The following DOCK8 variants were observed in gnomAD, a reference collection of about 807,000 sequenced individuals.
DOCK8 encodes the protein dedicator of cytokinesis 8, also known as dedicator of cytokinesis protein 8.
A neutral mutation model predicts 245.6 loss-of-function variants in DOCK8; 141 were observed. That is an observed-to-expected ratio of 0.57 (90% CI 0.50 to 0.66). DOCK8 has a LOEUF of 0.66. Ranked by LOEUF, DOCK8 falls within the 30% of genes least tolerant of loss-of-function variation. DOCK8 has a pLI of 0.00. For synonymous variants in DOCK8, 1,168 were observed against 970.2 expected (o/e 1.20, Z -3.79); for missense variants, 2,965 against 2,603.4 (o/e 1.14, Z -3.02).
intron 2 of DOCK8, chr9:273,054 G>T: frequency 1.0e-6 from 1 of 985,338 alleles, no homozygotes; most frequent in African/African-American, 1.7e-5. Flanking sequence ...CCGCCATTTT[G>T]TCTCCTGTAA....
Position 464,246 on chromosome 9 carries a change from T to C in DOCK8, c.*27T>C, listed in dbSNP as rs755316709. On this transcript the variant is annotated 3_prime_UTR_variant, in exon 48 of 48. Coordinates refer to ENST00000432829, the MANE Select transcript of DOCK8 (RefSeq NM_203447.4). ...AAAAGCCATCTTCATTCGTGGAGACTGTGGCCCTGCAACCCTGGAGAAGGA... is the reference window on the plus strand; with the variant it reads ...AAAAGCCATCTTCATTCGTGGAGACCGTGGCCCTGCAACCCTGGAGAAGGA... 1 of 1,600,678 alleles carries C rather than the reference T, an allele frequency of 6.2e-7. No individual in the cohort carries two copies. The highest frequency in any genetic ancestry group is 1.1e-5 in the South Asian group (1 of 90,824).
chr9:425,803 C>T (rs1186491627), intron 33 of DOCK8, among the ~76,000 whole-genome samples: 5 of 150,058 alleles, frequency 3.3e-5, no homozygotes. Context: ...TTATTTTACA[C>T]ATATATTATC....
intron 14 of DOCK8, among the ~76,000 whole-genome samples, chr9:364,515 T>C (rs2131149474): frequency 6.6e-6 from 1 of 152,038 alleles, no homozygotes; most frequent in Non-Finnish European, 1.5e-5. Context: ...ATGCCTACTA[T>C]TCTAGCTACT....
intron 28 of DOCK8, among the ~76,000 whole-genome samples, chr9:408,872 A>G (rs571248666): frequency 0.12 from 8,121 of 69,790 alleles, 747 homozygotes; most frequent in African/African-American, 0.3. Flanking sequence ...ACACACACAC[A>G]CACACACACA....
chr9:370,031 G>T, intron 15 of DOCK8, 199 bp from the exon 16 acceptor site: 1 of 614,818 alleles, frequency 1.6e-6, no homozygotes, highest in Non-Finnish European at 2.9e-6. Context: ...TCCAACTCCT[G>T]GGCTCAAGCC....
intron 4 of DOCK8, among the ~76,000 whole-genome samples, chr9:299,486 C>T (rs1343657543): frequency 1.3e-5 from 2 of 152,120 alleles, no homozygotes; most frequent in Non-Finnish European, 2.9e-5. Flanking sequence ...TGGTCTCAAA[C>T]TCCTGGGCTC....
chr9:211,725 A>G (rs13299832), upstream of DOCK8, among the ~76,000 whole-genome samples: 6,163 of 152,184 alleles, frequency 0.04, 156 homozygotes, highest in Non-Finnish European at 0.063. Context: ...AAGCAGATGG[A>G]GTCATTCCAA....
intron 4 of DOCK8, among the ~76,000 whole-genome samples, chr9:304,218 C>T (rs1763970706): frequency 6.6e-6 from 1 of 152,208 alleles, no homozygotes; most frequent in South Asian, 2.1e-4. Context: ...CAAACGATCT[C>T]TATTTGTGGC....
chr9:367,729 A>T (rs2053076565), intron 14 of DOCK8, among the ~76,000 whole-genome samples: 2 of 152,214 alleles, frequency 1.3e-5, no homozygotes, highest in Admixed American at 6.5e-5. Context: ...TCAGATAGAC[A>T]ATTACCTCTA....
At chr9:297,270 G>C (rs1256181797) in intron 4 of DOCK8, among the ~76,000 whole-genome samples, 1 of 152,190 alleles carries the variant, frequency 6.6e-6, no homozygotes, top group African/African-American at 2.4e-5. Flanking sequence ...GAGAGACTAA[G>C]GCACTTGCCC....
intron 2 of DOCK8, among the ~76,000 whole-genome samples, chr9:275,294 T>C (rs1405313842): frequency 6.6e-6 from 1 of 152,220 alleles, no homozygotes; most frequent in African/African-American, 2.4e-5. Flanking sequence ...TGAAGGGCTT[T>C]ATGATCCATT....
intron 30 of DOCK8, 192 bp from the exon 31 acceptor site, chr9:420,209 C>T (rs989032405): frequency 4.4e-6 from 3 of 676,332 alleles, no homozygotes; most frequent in Non-Finnish European, 7.8e-6. Flanking sequence ...TAGCGCTACT[C>T]AAAGAACACA....
intron 4 of DOCK8, 35 bp from the exon 5 acceptor site, chr9:304,546 C>T (rs932612390): frequency 6.2e-7 from 1 of 1,613,566 alleles, no homozygotes; most frequent in Non-Finnish European, 8.5e-7. Flanking sequence ...CTCTCTCCCT[C>T]TTTCTCTCTC....
At chr9:420,327 G>A in intron 30 of DOCK8, 74 bp from the exon 31 acceptor site, 1 of 1,524,118 alleles carries the variant, frequency 6.6e-7, no homozygotes, top group Non-Finnish European at 9.1e-7. Context: ...TCTGTTGCTT[G>A]ACTGTTAAGC....
intron 1 of DOCK8, among the ~76,000 whole-genome samples, chr9:231,925 C>G (rs140004515): frequency 7.5e-4 from 114 of 152,210 alleles, no homozygotes; most frequent in African/African-American, 2.7e-3. Flanking sequence ...CCAGAACTTC[C>G]AACATTATGT....
chr9:390,431 G>C, intron 23 of DOCK8, 40 bp from the exon 24 acceptor site: 1 of 1,558,968 alleles, frequency 6.4e-7, no homozygotes, highest in Non-Finnish European at 8.8e-7. Context: ...AATAATAATA[G>C]CCTTTGTTTC....
At position 452,081 on chromosome 9, in the gene DOCK8, A is replaced by G; in HGVS notation, c.6032A>G (p.Asn2011Ser). The change falls in exon 46 of 48, where the codon AAC (asparagine) becomes AGC (serine). Residue 2011 changes from asparagine (N) to serine (S), a missense_variant. By Grantham distance (46) the Asn-to-Ser change is conservative. This residue lies in a region of DOCK8 where 134 missense variants were observed against 128.1 expected (regional missense o/e 1.05). Coordinates refer to ENST00000432829, the MANE Select transcript of DOCK8 (RefSeq NM_203447.4). ...GATCCAAAACTCTATCGACATCACAACAAGTTGAGGTTATGCTTTAAGGAA... is the reference window on the plus strand; with the variant it reads ...GATCCAAAACTCTATCGACATCACAGCAAGTTGAGGTTATGCTTTAAGGAA... ...PADPKLYRHH[N>S]KLRLCFKEFI... The G allele has an allele frequency of 1.2e-6, 2 of 1,611,048 alleles. No homozygotes were observed. The highest frequency in any genetic ancestry group is 1.7e-6 in the Non-Finnish European group (2 of 1,178,620).
chr9:350,385 G>A (rs140845682), intron 14 of DOCK8, among the ~76,000 whole-genome samples: 1 of 152,274 alleles, frequency 6.6e-6, no homozygotes, highest in East Asian at 1.9e-4. Flanking sequence ...GCACTGGGAG[G>A]TGCCACTCTT....
intron 24 of DOCK8, among the ~76,000 whole-genome samples, chr9:391,313 G>A (rs7849287): frequency 4.5e-4 from 69 of 151,984 alleles, no homozygotes; most frequent in Non-Finnish European, 8.1e-4. Flanking sequence ...TTTCCTAGTG[G>A]TTATCACAAT....
Sources: allele counts gnomAD v4.1 joint callset (sites outside exome capture counted in the v4.1 genomes callset), GRCh38; gene constraint gnomAD v4.1.1; regional missense constraint gnomAD v4.1.1; transcripts MANE v1.5; gene names NCBI Gene and HGNC (gene_info 2026-07-23, HGNC 2026-07-21).